ZNF12: variants seen among roughly 807,000 people sequenced by gnomAD.
The protein encoded by ZNF12 is zinc finger protein 12, also known as gonadotropin inducible transcription repressor 3.
A neutral mutation model predicts 66.6 loss-of-function variants in ZNF12; 34 were observed. The ratio of observed to expected loss-of-function variants is 0.51; its 90% CI spans 0.39 to 0.68. ZNF12 has a LOEUF of 0.68. Among genes scored for constraint, ZNF12 ranks in the 30% least tolerant of loss-of-function variants. The pLI is 0.00. For synonymous variants in ZNF12, 320 were observed against 278.9 expected, an observed-to-expected ratio of 1.15 and a Z score of -1.47; for missense variants, 697 against 826.9, an observed-to-expected ratio of 0.84 and a Z score of 1.93.
intron 2 of ZNF12, chr7:6,700,967 CG>C (rs1780233403): frequency 1.3e-5 from 2 of 152,102 alleles, no homozygotes; most frequent in African/African-American, 2.4e-5. Context: ...TTCGTTTGTT[CG>C]TTTGTTCATT....
chr7:6,700,344 T>TAC (rs1562601373), intron 2 of ZNF12, among the ~76,000 whole-genome samples: 1 of 118,956 alleles, frequency 8.4e-6, no homozygotes, highest in African/African-American at 3.6e-5. Context: ...CACATATATA[T>TAC]ACATATGTGC....
chr7:6,704,595 C>T (rs1399721947), intron 2 of ZNF12, among the ~76,000 whole-genome samples: 2 of 133,166 alleles, frequency 1.5e-5, no homozygotes, highest in African/African-American at 5.5e-5. Context: ...AAAAAAAAGG[C>T]CGGGTGTGGT....
intron 4 of ZNF12, among the ~76,000 whole-genome samples, chr7:6,695,480 C>T (rs1218135506): frequency 2.6e-5 from 4 of 152,054 alleles, no homozygotes; most frequent in Admixed American, 1.3e-4. Flanking sequence ...GTTGGGATTA[C>T]AGGTGTGAGC....
rs554630322 is a variant in ZNF12, at chr7:6,690,732, G to A, written c.*116C>T. ...TTCAGATTATGAGTCCAACACACAA[G>A]GGGATGTCCACACTAACCTGTGTGA... On this transcript the variant is annotated 3_prime_UTR_variant, in exon 5 of 5. Coordinates refer to ENST00000405858, the MANE Select transcript of ZNF12 (RefSeq NM_016265.4). 4.2e-5 allele frequency: 44 copies of A among 1,054,622 alleles called. No homozygotes were observed. The South Asian group carries it at 7.5e-4, about 18-fold the overall frequency. The allele number at this position is 1,054,622 out of a possible 1,614,324, so 65.3% of individuals were successfully genotyped here. A position where few individuals can be genotyped will look rare whatever the true frequency, so the allele number is the denominator to read the frequency against.
Position 6,690,987 on chromosome 7 carries a change from T to C in ZNF12, c.1955A>G (p.Tyr652Cys). The C allele has an allele frequency of 6.2e-7, 1 of 1,614,188 alleles. No individual in the cohort carries two copies. The highest frequency in any genetic ancestry group is 8.5e-7 in the Non-Finnish European group (1 of 1,179,998). ...GGGTTTCTCTCCTGAATGAGTTCTATAATGTACAGTGAGGTATGACATCCG... is the reference window on the plus strand; with the variant it reads ...GGGTTTCTCTCCTGAATGAGTTCTACAATGTACAGTGAGGTATGACATCCG... Reference protein sequence around the residue: ...FSRMSYLTVHYRTHSGEKPYE... With the variant: ...FSRMSYLTVHCRTHSGEKPYE... The change falls in exon 5 of 5, where the codon TAT (tyrosine) becomes TGT (cysteine). Residue 652 changes from tyrosine to cysteine, a missense_variant. Coordinates refer to ENST00000405858, the MANE Select transcript of ZNF12 (RefSeq NM_016265.4).
Position 6,690,629 on chromosome 7 carries a change from T to C in ZNF12, c.*219A>G, listed in dbSNP as rs777084886. The C allele has an allele frequency of 1.6e-5, 8 of 489,732 alleles. No homozygotes were observed. The highest frequency in any genetic ancestry group is 1.3e-4 in the East Asian group (4 of 30,578). The allele number at this position is 489,732 out of a possible 1,614,324, so 30.3% of individuals were successfully genotyped here. On this transcript the variant is annotated 3_prime_UTR_variant, in exon 5 of 5. Transcript: ENST00000405858. ...CATGTATATACATTCTTAATATTTA[T>C]AAATTTTTACTTGTCTATAGTCTAG...
At position 6,697,287 on chromosome 7, in the gene ZNF12, T is replaced by C. The variant is rs1355289069; in HGVS notation, c.238+52A>G. 6.9e-7 allele frequency: 1 copy of C among 1,440,230 alleles called. No individual in the cohort carries two copies. Among genetic ancestry groups the C allele is most frequent in the Non-Finnish European group, 9.6e-7 (1 of 1,046,174 alleles). 89.2% of individuals were successfully genotyped at this position (1,440,230 alleles called of 1,614,324 possible). On this transcript the variant is annotated intron_variant, in intron 4 of 4. Transcript: ENST00000405858. This position sits in a 1 kb window ranked among gnomAD's most constrained non-coding sequence, Gnocchi z 6.1. ...AGGTTCGGGACCATTAAAAAATCCC[T>C]GGGAAAAACACTCCCAAGTTACCGA...
rs775816834 is a variant in ZNF12, at chr7:6,698,027, G to A, written c.16-216C>T. 1.3e-6 allele frequency: 1 copy of A among 745,470 alleles called. No individual in the cohort carries two copies. The highest frequency in any genetic ancestry group is 2.6e-5 in the East Asian group (1 of 38,518). The allele number at this position is 745,470 out of a possible 1,614,324, so 46.2% of individuals were successfully genotyped here. On this transcript the variant is annotated intron_variant, in intron 2 of 4. Transcript: ENST00000405858. The surrounding 1 kb of genome is among the most constrained non-coding windows in gnomAD (Gnocchi z 4.4). Reference sequence around the variant, plus strand: ...ACAAAAAACAAAAAAACAACACTGGGATTGCACGGTGAGCCAGAAACAATC... The same window carrying A: ...ACAAAAAACAAAAAAACAACACTGGAATTGCACGGTGAGCCAGAAACAATC...
At position 6,697,899 on chromosome 7, in the gene ZNF12, T is replaced by C. The variant is rs1357259926; in HGVS notation, c.16-88A>G. The C allele has an allele frequency of 1.4e-6, 2 of 1,393,462 alleles. No individual in the cohort carries two copies. The highest frequency in any genetic ancestry group is 4.6e-5 in the East Asian group (2 of 43,812). 86.3% of individuals were successfully genotyped at this position (1,393,462 alleles called of 1,614,324 possible). On this transcript the variant is annotated intron_variant, in intron 2 of 4. Coordinates refer to ENST00000405858, the MANE Select transcript of ZNF12 (RefSeq NM_016265.4). This position sits in a 1 kb window ranked among gnomAD's most constrained non-coding sequence, Gnocchi z 6.1. ...GCATGCTCACTGGCAAAATTAACCA[T>C]GAACACTGTATACCTTTATTTTATG...
Position 6,692,837 on chromosome 7 carries a change from C to T in ZNF12, c.239-134G>A. The T allele has an allele frequency of 2.4e-6, 2 of 825,406 alleles. No homozygotes were observed. The highest frequency in any genetic ancestry group is 3.6e-6 in the Non-Finnish European group (2 of 559,320). The allele number at this position is 825,406 out of a possible 1,614,324, so 51.1% of individuals were successfully genotyped here. The stretch of plus-strand genomic sequence containing the variant: ...CTTCATGAACAGATGAAAATAATTC[C>T]AAGTGTACTCTTCTCCTTTATGCTT... On this transcript the variant is annotated intron_variant, in intron 4 of 4. Coordinates refer to ENST00000405858, the MANE Select transcript of ZNF12 (RefSeq NM_016265.4). The surrounding 1 kb of genome is among the most constrained non-coding windows in gnomAD (Gnocchi z 5.1).
intron 2 of ZNF12, among the ~76,000 whole-genome samples, chr7:6,700,491 AT>A (rs1357398512): frequency 6.6e-6 from 1 of 152,118 alleles, no homozygotes; most frequent in Non-Finnish European, 1.5e-5. Flanking sequence ...AGAATATTTC[AT>A]TCTTTTTAGA....
rs1432426032 is a variant in ZNF12 at position 6,692,038 on chromosome 7, ACT to A, written c.902_903del (p.Gln301LeufsTer25). On this transcript the variant is annotated frameshift_variant, in exon 5 of 5. Transcript: ENST00000405858. LOFTEE classifies it high-confidence loss of function. This position sits in a 1 kb window ranked among gnomAD's most constrained non-coding sequence, Gnocchi z 5.1. ...CCCTTCTGGCAGAAGGATTTCCCAC[ACT>A]GATTACATTCGTAAGGTTTCTCTCC... ...HTGEKPYECN[Q>X]CGKSFCQKGT... 6.2e-7 allele frequency: 1 copy of A among 1,613,498 alleles called. No homozygotes were observed. Among genetic ancestry groups the A allele is most frequent in the Non-Finnish European group, 8.5e-7 (1 of 1,179,650 alleles).
intron 4 of ZNF12, among the ~76,000 whole-genome samples, chr7:6,695,201 C>T (rs1168281022): frequency 6.6e-6 from 1 of 152,222 alleles, no homozygotes; most frequent in East Asian, 1.9e-4. Flanking sequence ...AGGCGTAAGC[C>T]ACCACGCCCA....
At position 6,697,788 on chromosome 7, in the gene ZNF12, C is replaced by T; in HGVS notation, c.39G>A (p.Val13=). The T allele has an allele frequency of 6.2e-7, 1 of 1,614,168 alleles. No individual in the cohort carries two copies. The highest frequency in any genetic ancestry group is 8.5e-7 in the Non-Finnish European group (1 of 1,180,032). Residue 13 remains valine (V), a synonymous_variant, in exon 3 of 5, where the codon GTG becomes GTA. Transcript: ENST00000405858. This position sits in a 1 kb window ranked among gnomAD's most constrained non-coding sequence, Gnocchi z 6.1. ...KSLGPVSFKD[V]AVDFTQEEWQ... Reference sequence around the variant, plus strand: ...ATTCCTCCTGGGTGAAGTCCACAGCCACGTCCTTGAATGACACTGGCCCCT... The same window carrying T: ...ATTCCTCCTGGGTGAAGTCCACAGCTACGTCCTTGAATGACACTGGCCCCT...
chr7:6,694,287 T>G (rs1780120431), intron 4 of ZNF12, among the ~76,000 whole-genome samples: 1 of 152,178 alleles, frequency 6.6e-6, no homozygotes, highest in Non-Finnish European at 1.5e-5. Context: ...ACTACTGTAC[T>G]TGCTATCATG....
chr7:6,691,539 T>C lies in ZNF12; in HGVS notation c.1403A>G (p.Asn468Ser). The change falls in exon 5 of 5, where the codon AAT (asparagine) becomes AGT (serine). Residue 468 changes from asparagine (N) to serine (S), a missense_variant. Transcript: ENST00000405858. The stretch of plus-strand genomic sequence containing the variant: ...CAGGTAGAAGGTTTTTCCACATTCA[T>C]TACATTCATAGGGTTTCTCTCCTGA... The part of the protein sequence containing the change: ...THSGEKPYEC[N>S]ECGKTFYLNS... The C allele has an allele frequency of 6.2e-7, 1 of 1,613,532 alleles. No homozygotes were observed. The highest frequency in any genetic ancestry group is 8.5e-7 in the Non-Finnish European group (1 of 1,179,788).
At chr7:6,704,079 C>T (rs2115356953) in intron 2 of ZNF12, 1 of 152,284 alleles carries the variant, frequency 6.6e-6, no homozygotes, top group South Asian at 2.1e-4. Context: ...ATAATCCCAG[C>T]ACTTTGGGAG....
Position 6,691,711 on chromosome 7 carries a change from A to C in ZNF12, c.1231T>G (p.Cys411Gly), listed in dbSNP as rs945925333. Residue 411 changes from cysteine (C) to glycine (G), a missense_variant, in exon 5 of 5, where the codon TGT becomes GGT. Physicochemically the swap from Cys to Gly is radical, Grantham distance 159. Transcript: ENST00000405858. ...CAGAAGCATTTCCCACATTCACTAC[A>C]CTTGTAGAGTTTCACACCTGTGTGA... ...KIHTGVKLYK[C>G]SECGKCFCRK... The C allele has an allele frequency of 5.0e-6, 8 of 1,613,738 alleles. No homozygotes were observed. The highest frequency in any genetic ancestry group is 6.8e-6 in the Non-Finnish European group (8 of 1,179,832).
At position 6,696,277 on chromosome 7, in the gene ZNF12, G is replaced by C. The variant is rs1780153183; in HGVS notation, c.238+1062C>G. Among the ~76,000 whole-genome samples the C allele has an allele frequency of 6.6e-6, 1 of 152,188 alleles. No individual in the cohort carries two copies. The highest frequency in any genetic ancestry group is 1.5e-5 in the Non-Finnish European group (1 of 68,034). On this transcript the variant is annotated intron_variant, in intron 4 of 4. Coordinates refer to ENST00000405858, the MANE Select transcript of ZNF12 (RefSeq NM_016265.4). This position sits in a 1 kb window ranked among gnomAD's most constrained non-coding sequence, Gnocchi z 4.0. The stretch of plus-strand genomic sequence containing the variant: ...TAATCCAGAGAGATCAGTAATATCT[G>C]ATGAGAATTTCAGTGGTTTCACAGG...
Sources: gnomAD v4.1 joint callset for allele counts (sites outside exome capture counted in the v4.1 genomes callset) on GRCh38, gnomAD v4.1.1 for gene constraint, Gnocchi (gnomAD v3.1) non-coding constraint, MANE v1.5 for transcripts, NCBI Gene and HGNC (gene_info 2026-07-23, HGNC 2026-07-21) for gene names.